The following PCDH15 variants were observed in gnomAD, a reference collection of about 807,000 sequenced individuals.
The protein encoded by PCDH15 is protocadherin-15.
Under a neutral mutation model 178.5 loss-of-function variants are expected in PCDH15, and 129 were observed. That is an observed-to-expected ratio of 0.72 (90% CI 0.63 to 0.84). The LOEUF (loss-of-function observed/expected upper bound fraction) is 0.84, where lower values mean the gene tolerates loss of function less well. Among genes scored for constraint, PCDH15 ranks in the 40% least tolerant of loss-of-function variants. The probability of loss-of-function intolerance (pLI) is 0.00; values close to 1 mark genes in which losing one functional copy is unlikely to be tolerated. For synonymous variants in PCDH15, 800 were observed against 732.0 expected (o/e 1.09, Z -1.50); for missense variants, 2,230 against 2,099.9 (o/e 1.06, Z -1.21).
chr10:55,315,264 T>G (rs1843695198), intron 1 of PCDH15, among the ~76,000 whole-genome samples: 1 of 152,306 alleles, frequency 6.6e-6, no homozygotes, highest in African/African-American at 2.4e-5. Flanking sequence ...TTATAAAAAC[T>G]ATTCTTTTTT....
intron 1 of PCDH15, among the ~76,000 whole-genome samples, chr10:55,173,734 T>C (rs967927683): frequency 3.3e-5 from 5 of 152,146 alleles, no homozygotes; most frequent in Non-Finnish European, 7.4e-5. Flanking sequence ...TTCTGCAGCA[T>C]TTGACATAAA....
At chr10:53,832,595 T>C (rs1900415) in intron 29 of PCDH15, among the ~76,000 whole-genome samples, 60,499 of 151,628 alleles carry the variant, frequency 0.4, 12,843 homozygotes, top group East Asian at 0.75. Context: ...GGAGGGGTGA[T>C]ATTAAATATT....
chr10:54,417,992 A>G (rs946489747), intron 3 of PCDH15, among the ~76,000 whole-genome samples: 12 of 152,184 alleles, frequency 7.9e-5, no homozygotes, highest in African/African-American at 2.9e-4. Context: ...AGTGCGTTAC[A>G]GCTTCAAACT....
chr10:55,064,103 G>A (rs1033806155), intron 2 of PCDH15, among the ~76,000 whole-genome samples: 1 of 151,978 alleles, frequency 6.6e-6, no homozygotes, highest in Non-Finnish European at 1.5e-5. Context: ...GAAAGCAATG[G>A]GAAAATATTA....
chr10:54,847,358 T>C (rs1953534760), intron 3 of PCDH15, among the ~76,000 whole-genome samples: 1 of 152,214 alleles, frequency 6.6e-6, no homozygotes, highest in Admixed American at 6.5e-5. Context: ...ACTGTAGCCT[T>C]AATATGTACT....
chr10:55,342,544 A>C (rs1844632990), intron 2 of PCDH15, among the ~76,000 whole-genome samples: 1 of 152,064 alleles, frequency 6.6e-6, no homozygotes, highest in African/African-American at 2.4e-5. Context: ...TCCTGGGCTC[A>C]AGCAATCCTC....
intron 3 of PCDH15, among the ~76,000 whole-genome samples, chr10:54,432,048 A>G (rs1192418959): frequency 6.6e-6 from 1 of 152,048 alleles, no homozygotes; most frequent in African/African-American, 2.4e-5. Context: ...ACTACAAAAG[A>G]CTGATGAAAG....
intron 2 of PCDH15, among the ~76,000 whole-genome samples, chr10:54,926,974 G>A (rs1267861363): frequency 6.6e-6 from 1 of 151,486 alleles, no homozygotes; most frequent in African/African-American, 2.4e-5. Flanking sequence ...TTCCAATTTT[G>A]GTAATTTCTT....
intron 8 of PCDH15, among the ~76,000 whole-genome samples, chr10:54,308,736 A>C (rs529578920): frequency 6.6e-6 from 1 of 152,002 alleles, no homozygotes; most frequent in South Asian, 2.1e-4. Flanking sequence ...TGCACCCATC[A>C]ACCCATAATC....
At chr10:54,154,818 G>A (rs559497806) in intron 13 of PCDH15, among the ~76,000 whole-genome samples, 1 of 152,248 alleles carries the variant, frequency 6.6e-6, no homozygotes, top group East Asian at 1.9e-4. Flanking sequence ...TGGAAGGAAA[G>A]GCATTTTATG....
chr10:54,613,854 G>A (rs966747000), intron 2 of PCDH15, among the ~76,000 whole-genome samples: 12 of 151,542 alleles, frequency 7.9e-5, no homozygotes, highest in African/African-American at 2.2e-4. Context: ...ATCCAAATTT[G>A]TTAGCTCCTC....
At chr10:54,310,572 G>A (rs1457364292) in intron 8 of PCDH15, among the ~76,000 whole-genome samples, 1 of 151,960 alleles carries the variant, frequency 6.6e-6, no homozygotes, top group African/African-American at 2.4e-5. Context: ...AAAGAATAAT[G>A]AGGCATCTGC....
intron 2 of PCDH15, among the ~76,000 whole-genome samples, chr10:55,389,876 C>T (rs1168531489): frequency 6.6e-6 from 1 of 152,100 alleles, no homozygotes; most frequent in African/African-American, 2.4e-5. Context: ...ACTTGATAAT[C>T]TCTTGCAAAA....
chr10:54,086,054 C>A (rs1007573589), intron 16 of PCDH15, among the ~76,000 whole-genome samples: 63 of 151,898 alleles, frequency 4.1e-4, no homozygotes, highest in African/African-American at 1.5e-3. Flanking sequence ...TGTCTTAGTC[C>A]ATTTGTGTTG....
Position 54,957,246 on chromosome 10 carries a change from A to T in PCDH15, c.-79-59746T>A, listed in dbSNP as rs564695641. On this transcript the variant is annotated intron_variant, in intron 2 of 5. Coordinates refer to the PCDH15 transcript ENST00000458638. ...GAGTAAATAAACTGAATGGGATGAG[A>T]ATAATTTGGGCAAAAAAAAATCAGT... is the stretch of plus-strand genomic sequence containing the variant. Among the ~76,000 whole-genome samples, 3 of 151,714 alleles carry T rather than the reference A, an allele frequency of 2.0e-5. No individual in the cohort carries two copies. The South Asian group carries it at 6.2e-4, about 31-fold the overall frequency.
chr10:55,146,097 T>A (rs1406900136), intron 2 of PCDH15, among the ~76,000 whole-genome samples: 2 of 151,994 alleles, frequency 1.3e-5, no homozygotes, highest in Non-Finnish European at 2.9e-5. Context: ...CGCTTCTTTT[T>A]TGGCTGTGCC....
In PCDH15 at chr10:55,217,132, T is replaced by A. The variant is rs192704983; in HGVS notation, c.-155-50481A>T. Among the ~76,000 whole-genome samples the A allele has an allele frequency of 1.1e-4, 16 of 152,008 alleles. No homozygotes were observed. In the East Asian group the frequency reaches 3.1e-3, roughly 29 times the overall value. On this transcript the variant is annotated intron_variant, in intron 1 of 5. Coordinates refer to the PCDH15 transcript ENST00000458638. ...AAAGATTCAGCTGAATGAACATTGG[T>A]AACTGAGAAATAAACCCCTGTGATA...
chr10:54,580,181 A>C (rs1254709120), intron 2 of PCDH15, among the ~76,000 whole-genome samples: 3 of 152,042 alleles, frequency 2.0e-5, no homozygotes, highest in Non-Finnish European at 4.4e-5. Flanking sequence ...ACAAGACCAA[A>C]AGTTGGGACT....
chr10:54,150,397 C>T (rs1301799786), intron 14 of PCDH15, among the ~76,000 whole-genome samples: 1 of 151,968 alleles, frequency 6.6e-6, no homozygotes, highest in Non-Finnish European at 1.5e-5. Context: ...ATTGAGTTAT[C>T]TGACAAGTTT....
Sources: allele counts gnomAD v4.1 joint callset (sites outside exome capture counted in the v4.1 genomes callset), GRCh38; gene constraint gnomAD v4.1.1; transcripts MANE v1.5; gene names NCBI Gene and HGNC (gene_info 2026-07-23, HGNC 2026-07-21).